Variants in PTPRM observed in about 807,000 individuals in gnomAD.
PTPRM encodes the protein protein tyrosine phosphatase receptor type M, also known as receptor-type tyrosine-protein phosphatase mu.
Under a neutral mutation model 186.7 loss-of-function variants are expected in PTPRM, and 47 were observed. The observed-to-expected ratio is 0.25, with a 90% CI of 0.20 to 0.32. PTPRM has a LOEUF of 0.32. Ranked by LOEUF, PTPRM falls within the 10% of genes least tolerant of loss-of-function variation. The probability of loss-of-function intolerance (pLI) is 1.00; values close to 1 mark genes in which losing one functional copy is unlikely to be tolerated. For synonymous variants in PTPRM, 668 were observed against 674.9 expected, an observed-to-expected ratio of 0.99 and a Z score of 0.16; for missense variants, 1,494 against 1,865.0, an observed-to-expected ratio of 0.80 and a Z score of 3.66.
chr18:8,124,063 A>G (rs1393828650), intron 13 of PTPRM, among the ~76,000 whole-genome samples: 3 of 152,188 alleles, frequency 2.0e-5, no homozygotes, highest in Admixed American at 2.0e-4. Context: ...GTCGTAAGGC[A>G]TTTAGACACA....
At chr18:7,684,300 AAAAT>A (rs955322830) in intron 1 of PTPRM, among the ~76,000 whole-genome samples, 4 of 148,922 alleles carry the variant, frequency 2.7e-5, no homozygotes, top group South Asian at 2.1e-4. Context: ...CATTTAAAAA[AAAAT>A]AAATAAATAA....
intron 2 of PTPRM, among the ~76,000 whole-genome samples, chr18:7,861,535 A>G (rs1010317544): frequency 1.3e-5 from 2 of 152,192 alleles, no homozygotes; most frequent in African/African-American, 4.8e-5. Flanking sequence ...GTAAATTGAA[A>G]TGACCCTAAA....
chr18:7,609,538 T>G (rs1342458873), intron 1 of PTPRM, among the ~76,000 whole-genome samples: 1 of 149,508 alleles, frequency 6.7e-6, no homozygotes, highest in Non-Finnish European at 1.5e-5. Flanking sequence ...TTTTTTTTTT[T>G]AAAGGCAAGC....
chr18:7,604,415 T>C (rs2143781548), intron 1 of PTPRM, among the ~76,000 whole-genome samples: 1 of 152,324 alleles, frequency 6.6e-6, no homozygotes, highest in African/African-American at 2.4e-5. Context: ...ATATGTGCTA[T>C]AATCTAGGAA....
intron 5 of PTPRM, among the ~76,000 whole-genome samples, chr18:7,932,221 T>C (rs117077617): frequency 0.011 from 1,613 of 152,236 alleles, 15 homozygotes; most frequent in South Asian, 0.027. Flanking sequence ...GGGGTTGAGG[T>C]GTGCATGTTG....
intron 2 of PTPRM, among the ~76,000 whole-genome samples, chr18:7,874,107 GAA>G (rs2048111064): frequency 8.3e-6 from 1 of 121,166 alleles, no homozygotes; most frequent in East Asian, 2.8e-4. Flanking sequence ...AATAAAGTAG[GAA>G]AAGTTTTAAA....
chr18:8,165,913 A>T (rs1036430262), intron 14 of PTPRM, among the ~76,000 whole-genome samples: 5 of 152,066 alleles, frequency 3.3e-5, no homozygotes, highest in Admixed American at 3.3e-4. Context: ...GCTACCTAAC[A>T]CTTAGGGCTC....
chr18:7,990,238 A>G (rs773969930), intron 7 of PTPRM, among the ~76,000 whole-genome samples: 34 of 152,218 alleles, frequency 2.2e-4, no homozygotes, highest in Middle Eastern at 3.4e-3. Context: ...TACTCTTTCC[A>G]TCTATCCTAA....
intron 9 of PTPRM, among the ~76,000 whole-genome samples, chr18:8,079,096 G>A (rs541866888): frequency 4.3e-5 from 6 of 139,592 alleles, no homozygotes; most frequent in South Asian, 2.4e-4. Flanking sequence ...GATCAAAAAC[G>A]GCTGACAGCA....
rs543334763 is a variant in PTPRM at position 7,732,099 on chromosome 18, A to G, written c.74-42050A>G. On this transcript the variant is annotated intron_variant, in intron 1 of 32. Transcript: ENST00000580170. ...CCAAGATGGAAAACACAAAATAAGA[A>G]TGGTGTAAGCAAGTAGAATTTATTT... 9.8e-5 allele frequency among the ~76,000 whole-genome samples: 15 copies of G among 152,362 alleles called. 1 individual carries two copies. In the South Asian group the frequency reaches 3.1e-3, roughly 32 times the overall value.
intron 11 of PTPRM, among the ~76,000 whole-genome samples, chr18:8,095,330 G>T (rs2090960873): frequency 6.6e-6 from 1 of 152,136 alleles, no homozygotes; most frequent in South Asian, 2.1e-4. Context: ...GTGTGATGTG[G>T]AGTATGTTGC....
intron 1 of PTPRM, among the ~76,000 whole-genome samples, chr18:7,760,357 G>A (rs1001715410): frequency 3.9e-5 from 6 of 152,236 alleles, no homozygotes; most frequent in African/African-American, 1.4e-4. Flanking sequence ...TCTAGGCCTG[G>A]AAGAGTCTAG....
intron 20 of PTPRM, among the ~76,000 whole-genome samples, chr18:8,306,839 A>G (rs1285203169): frequency 6.6e-6 from 1 of 152,220 alleles, no homozygotes; most frequent in East Asian, 1.9e-4. Context: ...GATGCCAGAA[A>G]TGTCTGTGAG....
At chr18:7,923,946 C>T (rs575689970) in intron 4 of PTPRM, among the ~76,000 whole-genome samples, 4 of 152,250 alleles carry the variant, frequency 2.6e-5, no homozygotes, top group East Asian at 1.9e-4. Flanking sequence ...TTGATTGCTG[C>T]GCAGAGACAT....
At chr18:8,397,167 G>A (rs970190958) in intron 32 of PTPRM, among the ~76,000 whole-genome samples, 2 of 152,228 alleles carry the variant, frequency 1.3e-5, no homozygotes, top group African/African-American at 2.4e-5. Context: ...GCAGAGGCAG[G>A]CTAGGGTGCA....
chr18:7,713,928 G>A (rs962386125), intron 1 of PTPRM, among the ~76,000 whole-genome samples: 1 of 152,056 alleles, frequency 6.6e-6, no homozygotes, highest in Non-Finnish European at 1.5e-5. Context: ...GTAATAGTGG[G>A]AGACTTTAAC....
intron 1 of PTPRM, among the ~76,000 whole-genome samples, chr18:7,595,578 AG>A (rs2037235867): frequency 6.6e-6 from 1 of 152,182 alleles, no homozygotes; most frequent in African/African-American, 2.4e-5. Context: ...TAGCATTGTA[AG>A]GGAGGCCCAG....
chr18:7,973,509 T>C (rs1173331447), intron 7 of PTPRM, among the ~76,000 whole-genome samples: 1 of 152,216 alleles, frequency 6.6e-6, no homozygotes, highest in Non-Finnish European at 1.5e-5. Flanking sequence ...TATTTCTTCC[T>C]CAGCAAATTG....
At position 8,181,892 on chromosome 18, in the gene PTPRM, G is replaced by A. The variant is rs532777464; in HGVS notation, c.2300+38113G>A. On this transcript the variant is annotated intron_variant, in intron 14 of 32. Transcript: ENST00000580170. ...AAAAATACCTTAAAAAAGAAAAAGTGGAACTCAAAGGAAACCCCTTCTTTT... is the reference window on the plus strand; with the variant it reads ...AAAAATACCTTAAAAAAGAAAAAGTAGAACTCAAAGGAAACCCCTTCTTTT... Among the ~76,000 whole-genome samples the A allele has an allele frequency of 2.0e-5, 3 of 152,128 alleles. No individual in the cohort carries two copies. The South Asian group carries it at 6.2e-4, about 32-fold the overall frequency.
Sources: allele counts gnomAD v4.1 joint callset (sites outside exome capture counted in the v4.1 genomes callset), GRCh38; gene constraint gnomAD v4.1.1; transcripts MANE v1.5; gene names NCBI Gene and HGNC (gene_info 2026-07-23, HGNC 2026-07-21).